Variants in KCNIP4 observed in about 807,000 individuals in gnomAD.
KCNIP4 encodes the protein potassium voltage-gated channel interacting protein 4.
In KCNIP4, 12 loss-of-function variants were observed where a neutral mutation model predicts 34.0. That is an observed-to-expected ratio of 0.35 (90% confidence interval 0.23 to 0.57). KCNIP4 has a LOEUF of 0.57. Among genes scored for constraint, KCNIP4 ranks in the 20% least tolerant of loss-of-function variants. The pLI, the probability that KCNIP4 is intolerant of heterozygous loss-of-function variation, is 0.83. For missense variants in KCNIP4, 238 were observed against 311.7 expected (o/e 0.76, Z 1.78); for synonymous variants, 124 against 102.2 (o/e 1.21, Z -1.29).
At chr4:20,766,925 C>T (rs1392433666) in intron 3 of KCNIP4, 1 of 152,196 alleles carries the variant, frequency 6.6e-6, no homozygotes, top group African/African-American at 2.4e-5. Context: ...ATCTAAGTCT[C>T]ATTGCTCTCC....
intron 1 of KCNIP4, among the ~76,000 whole-genome samples, chr4:21,890,151 A>C (rs1727010615): frequency 6.6e-6 from 1 of 152,134 alleles, no homozygotes; most frequent in Admixed American, 6.6e-5. Flanking sequence ...CGTATGTTAT[A>C]ATTCACATCA....
intron 1 of KCNIP4, among the ~76,000 whole-genome samples, chr4:21,831,246 C>T (rs1365956023): frequency 6.6e-6 from 1 of 151,074 alleles, no homozygotes; most frequent in Non-Finnish European, 1.5e-5. Flanking sequence ...CTAAAGAATC[C>T]AGGGGGAAAA....
intron 1 of KCNIP4, among the ~76,000 whole-genome samples, chr4:21,841,534 A>C (rs1485527898): frequency 6.6e-6 from 1 of 152,092 alleles, no homozygotes; most frequent in African/African-American, 2.4e-5. Context: ...TCTGCCTATA[A>C]ATTTTATTTC....
At chr4:21,301,429 A>G (rs1012591223) in intron 1 of KCNIP4, among the ~76,000 whole-genome samples, 1 of 152,140 alleles carries the variant, frequency 6.6e-6, no homozygotes, top group Non-Finnish European at 1.5e-5. Context: ...TTAGGGAAAA[A>G]GTTCACAATC....
At chr4:21,762,629 A>C (rs760276117) in intron 1 of KCNIP4, among the ~76,000 whole-genome samples, 3 of 152,118 alleles carry the variant, frequency 2.0e-5, no homozygotes, top group Non-Finnish European at 2.9e-5. Context: ...CAAACATAAA[A>C]CAAACCAGCA....
At chr4:21,847,357 C>T (rs560110412) in intron 1 of KCNIP4, 30 of 152,078 alleles carry the variant, frequency 2.0e-4, no homozygotes, top group Admixed American at 1.4e-3. Context: ...GTGGTAAAGC[C>T]ATGTTATGGC....
At chr4:21,506,398 A>C (rs1404710709) in intron 1 of KCNIP4, among the ~76,000 whole-genome samples, 5 of 152,194 alleles carry the variant, frequency 3.3e-5, no homozygotes, top group Non-Finnish European at 7.3e-5. Context: ...GGATTTTTGC[A>C]GGGATTATGT....
intron 6 of KCNIP4, among the ~76,000 whole-genome samples, chr4:20,733,448 A>G (rs1306553157): frequency 1.3e-5 from 2 of 152,198 alleles, no homozygotes; most frequent in South Asian, 2.1e-4. Context: ...ATTGTTGCAC[A>G]TTTGTTTCAC....
intron 1 of KCNIP4, among the ~76,000 whole-genome samples, chr4:21,624,904 G>C (rs1745224299): frequency 6.6e-6 from 1 of 152,082 alleles, no homozygotes; most frequent in African/African-American, 2.4e-5. Flanking sequence ...ACTGAGATTA[G>C]AGTTCCCCTT....
At chr4:21,527,799 C>A (rs1477407154) in intron 1 of KCNIP4, among the ~76,000 whole-genome samples, 6 of 152,086 alleles carry the variant, frequency 3.9e-5, no homozygotes, top group Non-Finnish European at 8.8e-5. Context: ...TCAGACTTTG[C>A]AAATTCAATC....
intron 1 of KCNIP4, among the ~76,000 whole-genome samples, chr4:20,890,563 T>C (rs1332506638): frequency 6.6e-6 from 1 of 152,160 alleles, no homozygotes; most frequent in Non-Finnish European, 1.5e-5. Flanking sequence ...TGTTTATTGC[T>C]ACCTACAATG....
intron 1 of KCNIP4, among the ~76,000 whole-genome samples, chr4:21,021,723 T>C (rs1740056436): frequency 6.6e-6 from 1 of 152,146 alleles, no homozygotes; most frequent in Admixed American, 6.6e-5. Context: ...TGTGGAGCTG[T>C]CGTATTCTAT....
chr4:21,081,989 C>T (rs1370959070), intron 1 of KCNIP4, among the ~76,000 whole-genome samples: 1 of 151,742 alleles, frequency 6.6e-6, no homozygotes, highest in Non-Finnish European at 1.5e-5. Context: ...ACTAATCCAA[C>T]ACTGAAAAAT....
intron 1 of KCNIP4, among the ~76,000 whole-genome samples, chr4:21,940,597 T>C (rs1053166018): frequency 1.3e-5 from 2 of 152,158 alleles, no homozygotes; most frequent in African/African-American, 4.8e-5. Flanking sequence ...TCTTTGTAAA[T>C]ATTTGCTGAA....
intron 3 of KCNIP4, among the ~76,000 whole-genome samples, chr4:20,816,766 C>G (rs1716437649): frequency 2.0e-5 from 3 of 152,120 alleles, no homozygotes; most frequent in East Asian, 1.9e-4. Context: ...TTGTATAAAC[C>G]ATTTGAATTT....
intron 1 of KCNIP4, among the ~76,000 whole-genome samples, chr4:20,962,402 C>T (rs1733936389): frequency 6.6e-6 from 1 of 152,210 alleles, no homozygotes; most frequent in Non-Finnish European, 1.5e-5. Context: ...CACCTGGCTT[C>T]CATCATTAAC....
intron 1 of KCNIP4, among the ~76,000 whole-genome samples, chr4:21,291,867 A>AAAAAGAAAG (rs1763506119): frequency 9.8e-5 from 5 of 51,116 alleles, no homozygotes; most frequent in Non-Finnish European, 1.3e-4. Flanking sequence ...AAAAAAAAAA[A>AAAAAGAAAG]AAAGAAAGAA....
chr4:21,385,081 C>T (rs745684743), intron 1 of KCNIP4, among the ~76,000 whole-genome samples: 2 of 152,130 alleles, frequency 1.3e-5, no homozygotes, highest in South Asian at 2.1e-4. Flanking sequence ...ACAGACAGTA[C>T]TAGAAGCAAC....
chr4:21,090,168 GCTCAT>G (rs970867013), intron 1 of KCNIP4, among the ~76,000 whole-genome samples: 2 of 152,066 alleles, frequency 1.3e-5, no homozygotes, highest in Non-Finnish European at 2.9e-5. Context: ...CCCTCACCGA[GCTCAT>G]CTCAAGTTCT....
Sources: allele counts gnomAD v4.1 joint callset (sites outside exome capture counted in the v4.1 genomes callset), GRCh38; gene constraint gnomAD v4.1.1; transcripts MANE v1.5; gene names NCBI Gene and HGNC (gene_info 2026-07-23, HGNC 2026-07-21).